OPTN: variants seen among roughly 807,000 people sequenced by gnomAD.
OPTN encodes E3-14.7K-interacting protein.
A neutral mutation model predicts 70.4 loss-of-function variants in OPTN; 54 were observed. The observed-to-expected ratio is 0.77, with a 90% CI of 0.62 to 0.96. The LOEUF (loss-of-function observed/expected upper bound fraction) is 0.96. Ranked by LOEUF, OPTN falls within the 40% of genes least tolerant of loss-of-function variation. OPTN has a pLI of 0.00. For synonymous variants in OPTN, 256 were observed against 248.5 expected, an observed-to-expected ratio of 1.03 and a Z score of -0.28; for missense variants, 624 against 673.2, an observed-to-expected ratio of 0.93 and a Z score of 0.81.
At chr10:13,127,062 C>A (rs1201782092) in intron 11 of OPTN, among the ~76,000 whole-genome samples, 2 of 152,140 alleles carry the variant, frequency 1.3e-5, no homozygotes, top group Non-Finnish European at 2.9e-5. Context: ...ATAATGCCAG[C>A]ATGGTGTGAT....
At chr10:13,127,137 A>G (rs1011531747) in intron 11 of OPTN, among the ~76,000 whole-genome samples, 3 of 151,942 alleles carry the variant, frequency 2.0e-5, no homozygotes, top group African/African-American at 7.3e-5. Flanking sequence ...TTGTAAATAT[A>G]CTCTTTGTTT....
intron 1 of OPTN, among the ~76,000 whole-genome samples, chr10:13,104,400 A>C (rs1052757748): frequency 7.7e-4 from 115 of 149,252 alleles, no homozygotes; most frequent in African/African-American, 2.7e-3. Context: ...CTGGGACTAC[A>C]GGCATGCACC....
chr10:13,134,416 C>A (rs1419173539), intron 14 of OPTN, among the ~76,000 whole-genome samples: 1 of 152,064 alleles, frequency 6.6e-6, no homozygotes, highest in South Asian at 2.1e-4. Flanking sequence ...TAGGTAGATA[C>A]TTAAGTACTT....
chr10:13,118,627 A>T (rs531109784), intron 6 of OPTN, among the ~76,000 whole-genome samples: 179 of 152,236 alleles, frequency 1.2e-3, no homozygotes, highest in Non-Finnish European at 2.1e-3. Context: ...GTACACAGTG[A>T]CTGTTTGGAG....
intron 7 of OPTN, among the ~76,000 whole-genome samples, chr10:13,119,831 G>A (rs1024744916): frequency 4.6e-5 from 7 of 152,082 alleles, no homozygotes; most frequent in African/African-American, 1.4e-4. Context: ...CATGTTGACC[G>A]TTTGTTTGAT....
intron 1 of OPTN, chr10:13,104,709 A>G (rs186652297): frequency 4.4e-6 from 3 of 688,552 alleles, no homozygotes; most frequent in East Asian, 6.3e-5. Context: ...AGTCCCTGCA[A>G]TATTCCTTGG....
intron 7 of OPTN, among the ~76,000 whole-genome samples, chr10:13,121,358 G>A (rs1833345007): frequency 6.6e-6 from 1 of 152,046 alleles, no homozygotes; most frequent in East Asian, 1.9e-4. Flanking sequence ...AGCCAGCTGG[G>A]ATCTTACTAG....
At chr10:13,101,415 C>T (rs1419696434) in intron 1 of OPTN, among the ~76,000 whole-genome samples, 1 of 143,160 alleles carries the variant, frequency 7.0e-6, no homozygotes, top group Non-Finnish European at 1.5e-5. Flanking sequence ...CCCACCCACC[C>T]CCGGAAAACC....
intron 8 of OPTN, 57 bp downstream of exon 8, chr10:13,122,544 C>A (rs1833374087): frequency 1.8e-6 from 2 of 1,125,444 alleles, no homozygotes; most frequent in Admixed American, 3.4e-5. Context: ...AGTAGTCCAG[C>A]CACTGAATTC....
intron 13 of OPTN, among the ~76,000 whole-genome samples, chr10:13,133,157 A>T (rs2131529856): frequency 6.6e-6 from 1 of 152,300 alleles, no homozygotes; most frequent in South Asian, 2.1e-4. Context: ...ATTGTTCTGC[A>T]GCTTACTTTA....
intron 13 of OPTN, 51 bp downstream of exon 13, chr10:13,132,248 A>T (rs1483553579): frequency 6.2e-7 from 1 of 1,602,278 alleles, no homozygotes; most frequent in African/African-American, 1.3e-5. Flanking sequence ...ATGGCCGTAG[A>T]AGAGGTGCCT....
intron 6 of OPTN, among the ~76,000 whole-genome samples, 194 bp from the exon 7 acceptor site, chr10:13,118,694 C>T (rs1833273913): frequency 6.6e-6 from 1 of 152,200 alleles, no homozygotes; most frequent in Admixed American, 6.5e-5. Flanking sequence ...AGTCTCCACA[C>T]CTTCCCTAGG....
chr10:13,119,052 G>T lies in OPTN; in HGVS notation c.779+12G>T, dbSNP rs1490858778. 6.2e-7 allele frequency: 1 copy of T among 1,612,816 alleles called. No individual in the cohort carries two copies. Among genetic ancestry groups the T allele is most frequent in the Admixed American group, 1.7e-5 (1 of 59,938 alleles). On this transcript the variant is annotated intron_variant, in intron 7 of 14. Coordinates refer to ENST00000378747, the MANE Select transcript of OPTN (RefSeq NM_001008212.2). ...GAGGCCAAAGAAAGGTATGAAATAG[G>T]TTAACTTGAAATATGTGTTTTTTTA...
intron 1 of OPTN, among the ~76,000 whole-genome samples, chr10:13,105,485 A>G (rs1051686385): frequency 6.6e-6 from 1 of 152,238 alleles, no homozygotes; most frequent in African/African-American, 2.4e-5. Flanking sequence ...CTCCCTTAGC[A>G]CGACCCCACT....
intron 1 of OPTN, chr10:13,104,883 C>T (rs761014719): frequency 3.7e-5 from 11 of 296,876 alleles, no homozygotes; most frequent in South Asian, 2.2e-4. Flanking sequence ...GGGGCCCGAC[C>T]GCAGGACCGG....
chr10:13,125,369 C>T (rs747815772), intron 9 of OPTN, 49 bp from the exon 10 acceptor site: 40 of 1,606,406 alleles, frequency 2.5e-5, no homozygotes, highest in East Asian at 1.3e-4. Context: ...AAAGCCACTG[C>T]GACGTAAAGG....
At chr10:13,125,022 C>T (rs970135751) in intron 9 of OPTN, among the ~76,000 whole-genome samples, 1 of 152,102 alleles carries the variant, frequency 6.6e-6, no homozygotes, top group African/African-American at 2.4e-5. Context: ...GAATCTTTGT[C>T]AGAAACTAAA....
chr10:13,126,715 C>T (rs1006957971), intron 11 of OPTN, among the ~76,000 whole-genome samples: 5 of 152,130 alleles, frequency 3.3e-5, no homozygotes, highest in Admixed American at 3.3e-4. Flanking sequence ...ACCCTGGAAT[C>T]ATCAGCCTGC....
intron 11 of OPTN, 22 bp downstream of exon 11, chr10:13,126,061 T>A (rs1833452743): frequency 7.2e-7 from 1 of 1,379,680 alleles, no homozygotes; most frequent in African/African-American, 1.4e-5. Context: ...AAAAAATTAC[T>A]TCCATAGCCT....
Sources: allele counts gnomAD v4.1 joint callset (sites outside exome capture counted in the v4.1 genomes callset), GRCh38; gene constraint gnomAD v4.1.1; transcripts MANE v1.5; gene names NCBI Gene and HGNC (gene_info 2026-07-23, HGNC 2026-07-21).